Variants in ANKRD36C observed in about 807,000 individuals in gnomAD.
The protein encoded by ANKRD36C is ankyrin repeat domain 36C.
A neutral mutation model predicts 276.4 loss-of-function variants in ANKRD36C; 61 were observed. The observed-to-expected ratio is 0.22, with a 90% CI of 0.18 to 0.27. ANKRD36C has a LOEUF of 0.27. Among genes scored for constraint, ANKRD36C ranks in the 10% least tolerant of loss-of-function variants. The probability of loss-of-function intolerance (pLI) is 1.00; values close to 1 mark genes in which losing one functional copy is unlikely to be tolerated. For missense variants in ANKRD36C, 1,447 were observed against 2,032.3 expected, an observed-to-expected ratio of 0.71 and a Z score of 5.54; for synonymous variants, 483 against 680.1, an observed-to-expected ratio of 0.71 and a Z score of 4.51.
At chr2:95,965,654 C>T (rs376869169) in intron 6 of ANKRD36C, among the ~76,000 whole-genome samples, 1 of 151,984 alleles carries the variant, frequency 6.6e-6, no homozygotes, top group Non-Finnish European at 1.5e-5. Context: ...TGGTATGTCA[C>T]CATATTTATG....
chr2:95,923,563 G>C lies in ANKRD36C; in HGVS notation c.2075C>G (p.Thr692Arg), dbSNP rs888161221. The C allele has an allele frequency of 1.2e-6, 2 of 1,610,278 alleles. 1 individual carries two copies. Among genetic ancestry groups the C allele is most frequent in the African/African-American group, 2.7e-5 (2 of 74,654 alleles). The change falls in exon 32 of 67, where the codon ACA (threonine) becomes AGA (arginine). Residue 692 changes from threonine to arginine, a missense_variant. This residue lies in a region of ANKRD36C where 565 missense variants were observed against 539.5 expected (regional missense o/e 1.05). Transcript: ENST00000456556. Reference sequence around the variant, plus strand: ...CAAAGCAGAATCTGTCTTGTCACTTGTAGCCTGAAAGTAATTTGAAGCAAA... The same window carrying C: ...CAAAGCAGAATCTGTCTTGTCACTTCTAGCCTGAAAGTAATTTGAAGCAAA...
chr2:95,974,831 G>A (rs1678772421), intron 6 of ANKRD36C, among the ~76,000 whole-genome samples: 1 of 126,000 alleles, frequency 7.9e-6, no homozygotes, highest in African/African-American at 3.1e-5. Context: ...AGTCCCTGGT[G>A]TGTGATGTTC....
At chr2:95,987,133 G>A (rs752104864) in exon 2 of ANKRD36C, 1 of 1,550,988 alleles carries the variant, frequency 6.4e-7, no homozygotes, top group African/African-American at 1.4e-5. Flanking sequence ...CAGAGGTTAA[G>A]CTCACATCTT....
At chr2:95,912,190 A>T in intron 42 of ANKRD36C, 54 bp downstream of exon 44, 1 of 1,538,368 alleles carries the variant, frequency 6.5e-7, no homozygotes, top group South Asian at 1.2e-5. Flanking sequence ...TATTCGGGGA[A>T]GAGAACTTCT....
intron 44 of ANKRD36C, 90 bp downstream of exon 64, chr2:95,893,443 C>T (rs1573746211): frequency 6.7e-7 from 1 of 1,502,694 alleles, no homozygotes; most frequent in South Asian, 1.2e-5. Context: ...GAAAGTGCAG[C>T]TTCGACGAGC....
chr2:95,914,863 A>G (rs1031069876), intron 38 of ANKRD36C, among the ~76,000 whole-genome samples: 3 of 151,584 alleles, frequency 2.0e-5, no homozygotes, highest in African/African-American at 7.3e-5. Context: ...TACCTAGTAC[A>G]TAATATTCAT....
At chr2:95,897,408 G>C in intron 44 of ANKRD36C, 29 bp downstream of exon 59, 3 of 1,544,926 alleles carry the variant, frequency 1.9e-6, no homozygotes, top group Non-Finnish European at 2.6e-6. Flanking sequence ...ACATTTACTA[G>C]TTCACAATAT....
chr2:95,923,432 A>G (rs368379720), intron 32 of ANKRD36C, 63 bp downstream of exon 32: 2 of 1,571,150 alleles, frequency 1.3e-6, no homozygotes, highest in East Asian at 4.6e-5. Flanking sequence ...TGATTTATTC[A>G]GGGAAGAGAA....
intron 19 of ANKRD36C, among the ~76,000 whole-genome samples, chr2:95,942,378 T>C (rs375700870): frequency 4.4e-3 from 587 of 132,242 alleles, no homozygotes; most frequent in South Asian, 0.011. Context: ...TGGAATATTA[T>C]GGTCATCTGC....
intron 42 of ANKRD36C, chr2:95,910,403 C>T (rs1381604421): frequency 6.4e-7 from 1 of 1,551,142 alleles, no homozygotes; most frequent in Non-Finnish European, 8.7e-7. Flanking sequence ...TCCTTTTCTT[C>T]TCTGGCTATA....
intron 56 of ANKRD36C, among the ~76,000 whole-genome samples, chr2:95,881,303 C>T (rs1189627889): frequency 1.3e-5 from 2 of 152,112 alleles, no homozygotes; most frequent in Admixed American, 6.6e-5. Flanking sequence ...AATATATAAA[C>T]CCCATCAAAA....
In ANKRD36C at chr2:95,963,985, AT is replaced by A. The variant is rs1678525829; in HGVS notation, c.800-1439del. Reference sequence around the variant, plus strand: ...TATATATATATAAATATATATATATATATATATATATATATATATATATATA... The same window carrying A: ...TATATATATATAAATATATATATATAATATATATATATATATATATATATA... On this transcript the variant is annotated intron_variant, in intron 6 of 66. Coordinates refer to ENST00000456556, the Ensembl canonical transcript of ANKRD36C. 3.5e-4 allele frequency among the ~76,000 whole-genome samples: 4 copies of A among 11,316 alleles called. No individual in the cohort carries two copies. In the South Asian group the frequency reaches 0.01, roughly 29 times the overall value. 7.4% of individuals were successfully genotyped at this position (11,316 alleles called of 152,430 possible). A position where few individuals can be genotyped will look rare whatever the true frequency, so the allele number is the denominator to read the frequency against.
intron 48 of ANKRD36C, among the ~76,000 whole-genome samples, chr2:95,888,603 T>C (rs1289350992): frequency 2.0e-5 from 3 of 151,766 alleles, no homozygotes; most frequent in East Asian, 1.9e-4. Context: ...CAGTTGAATG[T>C]ACACTTTACG....
intron 42 of ANKRD36C, 148 bp downstream of exon 54, chr2:95,902,738 T>A: frequency 9.2e-7 from 1 of 1,081,102 alleles, no homozygotes; most frequent in Non-Finnish European, 1.3e-6. Context: ...ATCATCATCA[T>A]CACCCACAAA....
intron 42 of ANKRD36C, among the ~76,000 whole-genome samples, chr2:95,902,397 C>T (rs1188668851): frequency 6.7e-6 from 1 of 150,170 alleles, no homozygotes; most frequent in Admixed American, 6.6e-5. Flanking sequence ...ATATAAATGA[C>T]TTCCTCTTTT....
chr2:95,987,110 G>A lies in ANKRD36C; in HGVS notation c.294C>T (p.Asp98=), dbSNP rs1397393720. 5.2e-6 allele frequency: 8 copies of A among 1,549,794 alleles called. No individual in the cohort carries two copies. The African/African-American group carries it at 7.0e-5, about 14-fold the overall frequency. Residue 98 remains aspartate (D), a synonymous_variant, in exon 2 of 67, where the codon GAC becomes GAT. Transcript: ENST00000456556. ...TATGTACCTTGATCAGAGGTGTCCT[G>A]TCTTCACGGTCGCAGAGGTTAAGCT...
rs1676819783 is a variant in ANKRD36C, at chr2:95,908,709, A to G, written c.2653+3535T>C. On this transcript the variant is annotated intron_variant, in intron 42 of 66. Coordinates refer to ENST00000456556, the Ensembl canonical transcript of ANKRD36C. ...TTGCTCAGAAGACACTGAAAAGTAA[A>G]AGGGATTCATAATCACTCATATGTA... is the stretch of plus-strand genomic sequence containing the variant. The G allele has an allele frequency of 6.5e-7, 1 of 1,549,358 alleles. No individual in the cohort carries two copies. Among genetic ancestry groups the G allele is most frequent in the Non-Finnish European group, 8.7e-7 (1 of 1,145,308 alleles).
At chr2:95,896,522 A>G (rs1202240404) in intron 44 of ANKRD36C, among the ~76,000 whole-genome samples, 2,323 of 148,074 alleles carry the variant, frequency 0.016, 80 homozygotes, top group African/African-American at 0.057. Context: ...TCCTTGAACA[A>G]GGAAGCAAAT....
chr2:95,927,560 G>A (rs1276484043), intron 26 of ANKRD36C, among the ~76,000 whole-genome samples, 151 bp from the exon 27 acceptor site: 2 of 151,402 alleles, frequency 1.3e-5, no homozygotes, highest in Admixed American at 6.6e-5. Flanking sequence ...ACTGGAACAC[G>A]ACAGAAATAC....
Sources: allele counts gnomAD v4.1 joint callset (sites outside exome capture counted in the v4.1 genomes callset), GRCh38; gene constraint gnomAD v4.1.1; regional missense constraint gnomAD v4.1.1; transcripts MANE v1.5; gene names NCBI Gene and HGNC (gene_info 2026-07-23, HGNC 2026-07-21).